CACNG5: variants seen among roughly 807,000 people sequenced by gnomAD.
CACNG5 encodes calcium voltage-gated channel auxiliary subunit gamma 5, also known as voltage-dependent calcium channel gamma-5 subunit.
In CACNG5, 18 loss-of-function variants were observed where a neutral mutation model predicts 24.8. The observed-to-expected ratio is 0.73, with a 90% confidence interval of 0.50 to 1.08. The LOEUF (loss-of-function observed/expected upper bound fraction) is 1.08. CACNG5 is among the 50% of genes least tolerant of loss of function. The pLI, the probability that CACNG5 is intolerant of heterozygous loss-of-function variation, is 0.00. For synonymous variants in CACNG5, 157 were observed against 149.1 expected (o/e 1.05, Z -0.39); for missense variants, 349 against 367.9 (o/e 0.95, Z 0.42).
At chr17:66,876,791 G>T (rs1379691854) in intron 1 of CACNG5, among the ~76,000 whole-genome samples, 1 of 152,164 alleles carries the variant, frequency 6.6e-6, no homozygotes, top group African/African-American at 2.4e-5. Flanking sequence ...ACACAGAGAA[G>T]CTCACCCAGC....
At chr17:66,876,979 CTGAA>C (rs3834579) in intron 1 of CACNG5, among the ~76,000 whole-genome samples, 61,957 of 148,940 alleles carry the variant, frequency 0.42, 13,382 homozygotes, top group East Asian at 0.67. Flanking sequence ...CAATGGGTTG[CTGAA>C]TGAATGAATG....
In CACNG5 at chr17:66,885,745, T is replaced by A. The variant is rs1307625977; in HGVS notation, c.*505T>A. On this transcript the variant is annotated 3_prime_UTR_variant, in exon 6 of 6. Transcript: ENST00000533854. The stretch of plus-strand genomic sequence containing the variant: ...TATAGAGGTCTGGCTGACTTAGACA[T>A]GTCAAGCTGTCAGTGTTCCTTCTGA... 6.6e-6 allele frequency among the ~76,000 whole-genome samples: 1 copy of A among 152,236 alleles called. No homozygotes were observed. The highest frequency in any genetic ancestry group is 2.4e-5 in the African/African-American group (1 of 41,464).
At position 66,893,238 on chromosome 17, in the gene CACNG5, C is replaced by G. The variant is rs1434461251; in HGVS notation, c.*7998C>G. Among the ~76,000 whole-genome samples, 2 of 152,176 alleles carry G rather than the reference C, an allele frequency of 1.3e-5. No individual in the cohort carries two copies. The highest frequency in any genetic ancestry group is 1.3e-4 in the Admixed American group (2 of 15,278). On this transcript the variant is annotated 3_prime_UTR_variant, in exon 6 of 6. Coordinates refer to ENST00000533854, the MANE Select transcript of CACNG5 (RefSeq NM_145811.3). ...ATGTTCTGCATGGTAAATGTACCCT[C>G]TTCTATAATCAGAGAAATAATCCAG...
At position 66,877,449 on chromosome 17, in the gene CACNG5, T is replaced by A; in HGVS notation, c.117T>A (p.Gly39=). 6.2e-7 allele frequency: 1 copy of A among 1,613,256 alleles called. No homozygotes were observed. The highest frequency in any genetic ancestry group is 8.5e-7 in the Non-Finnish European group (1 of 1,179,818). Residue 39 remains glycine (G), a synonymous_variant, in exon 2 of 6, where the codon GGT becomes GGA. Coordinates refer to ENST00000533854, the MANE Select transcript of CACNG5 (RefSeq NM_145811.3). ...STDYWLYLEE[G]VIVPQNQSTE... is the part of the protein sequence containing the mutation. ...ACTACTGGCTGTACCTGGAGGAGGG[T>A]GTGATTGTGCCCCAGAACCAGAGCA...
In CACNG5 at chr17:66,893,321, T is replaced by C. The variant is rs563738873; in HGVS notation, c.*8081T>C. On this transcript the variant is annotated 3_prime_UTR_variant, in exon 6 of 6. Transcript: ENST00000533854. ...GGTCTAAATGCAAACAACGGTGATG[T>C]GTCGTTTCCTGAAAGCCTCTACACG... is the stretch of plus-strand genomic sequence containing the variant. Among the ~76,000 whole-genome samples, 51 of 152,302 alleles carry C rather than the reference T, an allele frequency of 3.3e-4. No individual in the cohort carries two copies. Among genetic ancestry groups the C allele is most frequent in the African/African-American group, 1.2e-3 (51 of 41,568 alleles).
intron 1 of CACNG5, among the ~76,000 whole-genome samples, chr17:66,874,251 C>T (rs528962627): frequency 5.3e-5 from 8 of 152,234 alleles, no homozygotes; most frequent in Non-Finnish European, 1.2e-4. Context: ...CAATGATAAA[C>T]GTTCAATGTA....
rs992935198 is a variant in CACNG5, at chr17:66,892,690, A to G, written c.*7450A>G. Among the ~76,000 whole-genome samples the G allele has an allele frequency of 3.3e-5, 5 of 152,230 alleles. No homozygotes were observed. The highest frequency in any genetic ancestry group is 1.2e-4 in the African/African-American group (5 of 41,460). On this transcript the variant is annotated 3_prime_UTR_variant, in exon 6 of 6. Coordinates refer to ENST00000533854, the MANE Select transcript of CACNG5 (RefSeq NM_145811.3). ...CTCCCACCCTATTTCAGATACAACA[A>G]TGTGTGTGAAAACACCGTGTAAACT...
chr17:66,877,314 A>G lies in CACNG5; in HGVS notation c.-19A>G, dbSNP rs2143111807. 6.2e-7 allele frequency: 1 copy of G among 1,608,106 alleles called. No homozygotes were observed. The highest frequency in any genetic ancestry group is 8.5e-7 in the Non-Finnish European group (1 of 1,175,770). ...TGGTGGGAGCGTGGCGACTAGTTGCACAGCAACGGTCCAGGAAGATGAGTG... is the reference window on the plus strand; with the variant it reads ...TGGTGGGAGCGTGGCGACTAGTTGCGCAGCAACGGTCCAGGAAGATGAGTG... On this transcript the variant is annotated 5_prime_UTR_variant, in exon 2 of 6. Transcript: ENST00000533854.
At chr17:66,862,979 A>G (rs150869198) in intron 1 of CACNG5, among the ~76,000 whole-genome samples, 162 of 149,892 alleles carry the variant, frequency 1.1e-3, no homozygotes, top group African/African-American at 3.5e-3. Context: ...ACAGGTGGAT[A>G]TTGTATGTTT....
At chr17:66,845,392 T>A (rs1006450544) in intron 1 of CACNG5, among the ~76,000 whole-genome samples, 1 of 151,596 alleles carries the variant, frequency 6.6e-6, no homozygotes, top group East Asian at 1.9e-4. Flanking sequence ...CAAACCACCA[T>A]GGCACACGTA....
chr17:66,839,996 G>A (rs1976543919), intron 1 of CACNG5, among the ~76,000 whole-genome samples: 1 of 152,214 alleles, frequency 6.6e-6, no homozygotes, highest in African/African-American at 2.4e-5. Context: ...GGACTTCGGA[G>A]CCACACAGAA....
intron 1 of CACNG5, among the ~76,000 whole-genome samples, chr17:66,839,118 C>T (rs1378916928): frequency 2.6e-5 from 4 of 151,876 alleles, no homozygotes; most frequent in African/African-American, 7.3e-5. Context: ...TGTGTCACCA[C>T]GCCCAGCTAA....
chr17:66,880,986 G>T lies in CACNG5; in HGVS notation c.424+289G>T, dbSNP rs118110989. ...TCTCCTGAGCTCAAGCAATCCAACT[G>T]CCCTGGCCTCCCAAAGTTCTGGGAT... On this transcript the variant is annotated intron_variant, in intron 4 of 5. Coordinates refer to ENST00000533854, the MANE Select transcript of CACNG5 (RefSeq NM_145811.3). 1.5e-3 allele frequency among the ~76,000 whole-genome samples: 227 copies of T among 152,272 alleles called. 5 individuals carry two copies. In the East Asian group the frequency reaches 0.04, roughly 27 times the overall value.
rs1240946811 is a variant in CACNG5, at chr17:66,891,452, G to C, written c.*6212G>C. Among the ~76,000 whole-genome samples, 1 of 152,150 alleles carries C rather than the reference G, an allele frequency of 6.6e-6. No homozygotes were observed. The highest frequency in any genetic ancestry group is 2.4e-5 in the African/African-American group (1 of 41,444). On this transcript the variant is annotated 3_prime_UTR_variant, in exon 6 of 6. Coordinates refer to ENST00000533854, the MANE Select transcript of CACNG5 (RefSeq NM_145811.3). ...TCAGACAGTGGCTGTCATTTCAAAGGCTTCCCTGCTCATTGGTGTGGCAAT... is the reference window on the plus strand; with the variant it reads ...TCAGACAGTGGCTGTCATTTCAAAGCCTTCCCTGCTCATTGGTGTGGCAAT...
chr17:66,840,670 G>A (rs1976553590), intron 1 of CACNG5, among the ~76,000 whole-genome samples: 1 of 152,200 alleles, frequency 6.6e-6, no homozygotes, highest in Non-Finnish European at 1.5e-5. Context: ...ACGAGAAGCA[G>A]CTGCTGGTAT....
At chr17:66,840,662 G>T (rs8080630) in intron 1 of CACNG5, among the ~76,000 whole-genome samples, 2 of 152,138 alleles carry the variant, frequency 1.3e-5, no homozygotes, top group Admixed American at 6.5e-5. Flanking sequence ...GTTGAAAAAC[G>T]AGAAGCAGCT....
rs960619114 is a variant in CACNG5, at chr17:66,894,084, G to A, written c.*8844G>A. On this transcript the variant is annotated 3_prime_UTR_variant, in exon 6 of 6. Coordinates refer to ENST00000533854, the MANE Select transcript of CACNG5 (RefSeq NM_145811.3). ...TTGACACCTGTTGTCCTGTGTCCTCGTAAACACCATCCCGCCACCCCTCTC... is the reference window on the plus strand; with the variant it reads ...TTGACACCTGTTGTCCTGTGTCCTCATAAACACCATCCCGCCACCCCTCTC... 2.0e-5 allele frequency among the ~76,000 whole-genome samples: 3 copies of A among 152,060 alleles called. No homozygotes were observed. The highest frequency in any genetic ancestry group is 1.9e-4 in the East Asian group (1 of 5,190).
At position 66,885,156 on chromosome 17, in the gene CACNG5, C is replaced by A. The variant is rs773065064; in HGVS notation, c.744C>A (p.Ser248Arg). ...VRGRSPSDIS[S>R]EASLQMNSNY... ...GCCGCAGCCCCTCCGACATCTCCAG[C>A]GAGGCCTCCCTGCAGATGAACAGCA... The change falls in exon 6 of 6, where the codon AGC becomes AGA. Residue 248 changes from serine (S) to arginine (R), a missense_variant. Ser to Arg is a moderately radical substitution (Grantham distance 110, BLOSUM62 -1). Coordinates refer to ENST00000533854, the MANE Select transcript of CACNG5 (RefSeq NM_145811.3). 1.9e-6 allele frequency: 3 copies of A among 1,613,206 alleles called. No individual in the cohort carries two copies. Among genetic ancestry groups the A allele is most frequent in the Non-Finnish European group, 2.5e-6 (3 of 1,179,978 alleles).
rs1168185701 is a variant in CACNG5 at position 66,893,433 on chromosome 17, C to T, written c.*8193C>T. Reference sequence around the variant, plus strand: ...CCAGGAAAACTCTGGATTTTCCTAACTGTGGTCAGCCCGTGGTGGAACCTC... The same window carrying T: ...CCAGGAAAACTCTGGATTTTCCTAATTGTGGTCAGCCCGTGGTGGAACCTC... On this transcript the variant is annotated 3_prime_UTR_variant, in exon 6 of 6. Coordinates refer to ENST00000533854, the MANE Select transcript of CACNG5 (RefSeq NM_145811.3). Among the ~76,000 whole-genome samples, 2 of 152,220 alleles carry T rather than the reference C, an allele frequency of 1.3e-5. No homozygotes were observed. The highest frequency in any genetic ancestry group is 6.5e-5 in the Admixed American group (1 of 15,282).
Sources: allele counts gnomAD v4.1 joint callset (sites outside exome capture counted in the v4.1 genomes callset), GRCh38; gene constraint gnomAD v4.1.1; transcripts MANE v1.5; gene names NCBI Gene and HGNC (gene_info 2026-07-23, HGNC 2026-07-21).